Variants in BTD observed in about 807,000 individuals in gnomAD.
BTD encodes biotinidase.
BTD carries 13 observed loss-of-function variants against 17.7 expected under a neutral mutation model. The ratio of observed to expected loss-of-function variants is 0.74; its 90% confidence interval spans 0.48 to 1.17. BTD has a LOEUF of 1.17. BTD is among the 50% of genes most tolerant of loss of function. BTD has a pLI of 0.00. For synonymous variants in BTD, 240 were observed against 245.2 expected (o/e 0.98, Z 0.20); for missense variants, 674 against 650.4 (o/e 1.04, Z -0.39).
intron 3 of BTD, among the ~76,000 whole-genome samples, chr3:15,705,692 T>G (rs1171887128): frequency 6.6e-6 from 1 of 152,184 alleles, no homozygotes; most frequent in Admixed American, 6.5e-5. Context: ...AAATACACAT[T>G]ACTATTGCCT....
At position 15,621,836 on chromosome 3, in the gene BTD, G is replaced by A. The variant is rs112938645; in HGVS notation, c.-16-13588G>A. 3.3e-4 allele frequency among the ~76,000 whole-genome samples: 51 copies of A among 152,280 alleles called. 2 individuals carry two copies. Among genetic ancestry groups the A allele is most frequent in the Admixed American group, 1.0e-3 (16 of 15,302 alleles). On this transcript the variant is annotated intron_variant, in intron 1 of 3. Transcript: ENST00000643237. ...GCTGGTCTCAAACTCCTGACCTCAG[G>A]TGATCCACCTGTCTCAGCCTCCCAA...
intron 3 of BTD, chr3:15,707,969 C>T (rs1334800951): frequency 3.1e-6 from 5 of 1,612,976 alleles, no homozygotes; most frequent in Non-Finnish European, 4.2e-6. Flanking sequence ...GGGTGTGCAG[C>T]CTCTTTCATC....
downstream of BTD, chr3:15,713,584 C>T (rs541101742): frequency 3.8e-5 from 62 of 1,610,938 alleles, no homozygotes; most frequent in East Asian, 6.7e-4. Flanking sequence ...ATGGCCATAC[C>T]GTGCTGCTAT....
exon 5 of BTD, among the ~76,000 whole-genome samples, chr3:15,722,301 T>G (rs1267882132): frequency 6.6e-6 from 1 of 152,090 alleles, no homozygotes; most frequent in Non-Finnish European, 1.5e-5. Flanking sequence ...AAACCGAAAA[T>G]GAAGCTCAGG....
chr3:15,644,729 C>T lies in BTD; in HGVS notation c.813C>T (p.Ala271=). 1 of 1,614,188 alleles carries T rather than the reference C, an allele frequency of 6.2e-7. No individual in the cohort carries two copies. Among genetic ancestry groups the T allele is most frequent in the Non-Finnish European group, 8.5e-7 (1 of 1,180,040 alleles). ...AGATTCAGAAAGCTTTTGCTGTTGC[C>T]TTTGGCATCAACGTTCTGGCAGCTA... The part of the protein sequence containing the change: ...AIEIQKAFAV[A]FGINVLAANV... The change falls in exon 4 of 4, where the codon GCC becomes GCT. Residue 271 remains alanine (A), a synonymous_variant. Transcript: ENST00000643237.
At chr3:15,672,559 A>C (rs2066483391) in intron 3 of BTD, among the ~76,000 whole-genome samples, 1 of 152,140 alleles carries the variant, frequency 6.6e-6, no homozygotes, top group South Asian at 2.1e-4. Context: ...TTTTTAATTA[A>C]ATTTTATTTG....
In BTD at chr3:15,644,959, A is replaced by C. The variant is rs886058115; in HGVS notation, c.1043A>C (p.Asp348Ala). Residue 348 changes from aspartate (D) to alanine (A), a missense_variant, in exon 4 of 4, where the codon GAT becomes GCT. By Grantham distance (126) the Asp-to-Ala change is moderately radical (BLOSUM62 -2). Coordinates refer to ENST00000643237, the MANE Select transcript of BTD (RefSeq NM_001370658.1). ...HSKFLKILSG[D>A]PYCEKDAQEV... is the part of the protein sequence containing the mutation. The stretch of plus-strand genomic sequence containing the variant: ...AAGTTTTTAAAAATTTTGTCAGGCG[A>C]TCCGTACTGTGAGAAGGATGCTCAG... The C allele has an allele frequency of 1.2e-6, 2 of 1,614,050 alleles. No homozygotes were observed. The highest frequency in any genetic ancestry group is 1.7e-6 in the Non-Finnish European group (2 of 1,180,034).
At chr3:15,642,429 T>G (rs1282682181) in intron 3 of BTD, among the ~76,000 whole-genome samples, 2 of 151,938 alleles carry the variant, frequency 1.3e-5, no homozygotes, top group Admixed American at 1.3e-4. Flanking sequence ...TTCTTTTCTA[T>G]GCATTTCATA....
intron 2 of BTD, 130 bp from the exon 3 acceptor site, chr3:15,641,778 C>T: frequency 1.4e-6 from 1 of 727,842 alleles, no homozygotes; most frequent in Non-Finnish European, 2.4e-6. Flanking sequence ...GACACCATCT[C>T]TGTGCCTCTG....
intron 4 of BTD, chr3:15,720,972 T>A (rs1453614528): frequency 6.2e-7 from 1 of 1,613,920 alleles, no homozygotes; most frequent in Non-Finnish European, 8.5e-7. Flanking sequence ...ATGCTCCATG[T>A]GTTGATGCAG....
At chr3:15,639,483 AT>A (rs1179673774) in intron 2 of BTD, among the ~76,000 whole-genome samples, 1 of 152,214 alleles carries the variant, frequency 6.6e-6, no homozygotes, top group Non-Finnish European at 1.5e-5. Flanking sequence ...CAGTCCAGTG[AT>A]TGTTGAAATG....
rs376578867 is a variant in BTD, at chr3:15,710,437, T to C, written c.*363T>C. 9.2e-5 allele frequency among the ~76,000 whole-genome samples: 14 copies of C among 152,302 alleles called. No individual in the cohort carries two copies. In the East Asian group the frequency reaches 2.7e-3, roughly 29 times the overall value. On this transcript the variant is annotated 3_prime_UTR_variant, in exon 4 of 4. Coordinates refer to the BTD transcript ENST00000672141. The stretch of plus-strand genomic sequence containing the variant: ...AAGTTAGGTTTTAACTGGAAGGTTC[T>C]CTGGCGACCTTGGAAGAACAAGAAA...
intron 1 of BTD, chr3:15,631,397 TTAA>T (rs1200977093): frequency 3.4e-6 from 5 of 1,478,276 alleles, no homozygotes; most frequent in Non-Finnish European, 4.5e-6. Flanking sequence ...TAAGAATGCC[TTAA>T]TAATAATCCC....
chr3:15,694,735 T>C, intron 3 of BTD: 1 of 1,612,840 alleles, frequency 6.2e-7, no homozygotes. Context: ...AAGGCAGTAC[T>C]CACAGCCAAG....
chr3:15,711,074 CT>C (rs900516624), exon 4 of BTD: 21 of 690,864 alleles, frequency 3.0e-5, no homozygotes, highest in South Asian at 4.9e-5. Flanking sequence ...CCACCCTGGA[CT>C]TTTTTTTCCC....
chr3:15,684,546 C>T (rs548945995), intron 3 of BTD: 1 of 152,228 alleles, frequency 6.6e-6, no homozygotes, highest in African/African-American at 2.4e-5. Flanking sequence ...CTCACTGTTT[C>T]TCCTACTTTT....
At chr3:15,710,777 A>G (rs2072161276) in exon 4 of BTD, among the ~76,000 whole-genome samples, 1 of 152,066 alleles carries the variant, frequency 6.6e-6, no homozygotes, top group Admixed American at 6.6e-5. Context: ...TCCAATCTCA[A>G]ACTTTCCTCT....
At chr3:15,617,859 A>C (rs369595193) in intron 1 of BTD, among the ~76,000 whole-genome samples, 1 of 152,194 alleles carries the variant, frequency 6.6e-6, no homozygotes, top group Non-Finnish European at 1.5e-5. Context: ...CTACAGTTTT[A>C]TAATGTCTTG....
chr3:15,601,978 TG>T (rs1460914766), intron 1 of BTD, 84 bp downstream of exon 1: 2 of 1,576,754 alleles, frequency 1.3e-6, no homozygotes, highest in African/African-American at 1.3e-5. Flanking sequence ...CAGTTGGACT[TG>T]GGGAGGGCTG....
Sources: gnomAD v4.1 joint callset for allele counts (sites outside exome capture counted in the v4.1 genomes callset) on GRCh38, gnomAD v4.1.1 for gene constraint, MANE v1.5 for transcripts, NCBI Gene and HGNC (gene_info 2026-07-23, HGNC 2026-07-21) for gene names.